SCYL3: variants seen among roughly 807,000 people sequenced by gnomAD.
SCYL3 encodes SCY1 like pseudokinase 3.
A neutral mutation model predicts 73.8 loss-of-function variants in SCYL3; 35 were observed. The ratio of observed to expected loss-of-function variants is 0.47; its 90% confidence interval spans 0.36 to 0.63. SCYL3 has a LOEUF of 0.63. SCYL3 is among the 20% of genes least tolerant of loss of function. SCYL3 has a pLI of 0.00. For synonymous variants in SCYL3, 277 were observed against 295.2 expected (o/e 0.94, Z 0.63); for missense variants, 712 against 798.9 (o/e 0.89, Z 1.31).
intron 9 of SCYL3, among the ~76,000 whole-genome samples, chr1:169,863,143 C>T (rs931949899): frequency 6.6e-6 from 1 of 152,128 alleles, no homozygotes; most frequent in Non-Finnish European, 1.5e-5. Flanking sequence ...AAACTTCTGA[C>T]CTAGTGATCC....
intron 2 of SCYL3, among the ~76,000 whole-genome samples, chr1:169,882,327 G>T (rs912888636): frequency 6.6e-5 from 10 of 152,216 alleles, no homozygotes; most frequent in Non-Finnish European, 1.5e-4. Flanking sequence ...TTTTCTCGCC[G>T]GGCCTTAGCT....
chr1:169,857,450 T>C (rs373817830), intron 11 of SCYL3, among the ~76,000 whole-genome samples: 1 of 152,232 alleles, frequency 6.6e-6, no homozygotes, highest in Non-Finnish European at 1.5e-5. Context: ...CCACAGTTGG[T>C]TAAATCTGCA....
chr1:169,886,164 A>G (rs1483272527), intron 2 of SCYL3, among the ~76,000 whole-genome samples: 1 of 152,114 alleles, frequency 6.6e-6, no homozygotes, highest in Non-Finnish European at 1.5e-5. Flanking sequence ...TTCAAAAATG[A>G]GCTGGGTGTG....
intron 1 of SCYL3, among the ~76,000 whole-genome samples, chr1:169,893,235 C>G (rs1662208015): frequency 1.3e-5 from 2 of 152,180 alleles, no homozygotes; most frequent in Admixed American, 1.3e-4. Context: ...CATCTTTATT[C>G]TAAACAGAAA....
At chr1:169,856,684 T>A (rs1659199306) in intron 11 of SCYL3, among the ~76,000 whole-genome samples, 1 of 152,178 alleles carries the variant, frequency 6.6e-6, no homozygotes, top group African/African-American at 2.4e-5. Context: ...CCTTATCCGA[T>A]GTCTTCTTCT....
At chr1:169,863,037 C>T (rs542642775) in intron 9 of SCYL3, among the ~76,000 whole-genome samples, 124 of 152,106 alleles carry the variant, frequency 8.2e-4, no homozygotes, top group African/African-American at 2.9e-3. Context: ...CTCAGCCTCC[C>T]GAGTAGCTGG....
rs562501102 is a variant in SCYL3 at position 169,861,199 on chromosome 1, C to A, written c.1140+1414G>T. Among the ~76,000 whole-genome samples the A allele has an allele frequency of 4.6e-5, 7 of 152,326 alleles. No homozygotes were observed. The East Asian group carries it at 1.3e-3, about 29-fold the overall frequency. On this transcript the variant is annotated intron_variant, in intron 10 of 12. Transcript: ENST00000367771. ...CCCAGCGAATCACACCTCCAGTATC[C>A]ATGCCCTTGAGTAAACCCATCCCAC...
At chr1:169,886,266 G>A (rs1318646513) in intron 2 of SCYL3, among the ~76,000 whole-genome samples, 6 of 149,954 alleles carry the variant, frequency 4.0e-5, no homozygotes, top group African/African-American at 1.5e-4. Context: ...AGCCAAGATC[G>A]AACCACTGCA....
rs41308405 is a variant in SCYL3, at chr1:169,852,947, G to C, written c.*766C>G. 3.7e-3 allele frequency: 5,905 copies of C among 1,614,066 alleles called. 19 individuals carry two copies. The highest frequency in any genetic ancestry group is 4.6e-3 in the Non-Finnish European group (5,389 of 1,179,986). On this transcript the variant is annotated 3_prime_UTR_variant, in exon 13 of 13. Coordinates refer to ENST00000367771, the MANE Select transcript of SCYL3 (RefSeq NM_020423.7). ...ATGGAAATGGAGGCGCTCCAAGAAA[G>C]GATGGATAAGCTAAAACGTTACATA...
At chr1:169,885,441 C>T (rs1258221725) in intron 2 of SCYL3, among the ~76,000 whole-genome samples, 1 of 152,184 alleles carries the variant, frequency 6.6e-6, no homozygotes, top group Non-Finnish European at 1.5e-5. Context: ...CCCAAATCCA[C>T]CTGCAGGCTT....
chr1:169,868,576 A>T (rs1458767693), intron 7 of SCYL3, among the ~76,000 whole-genome samples: 1 of 152,226 alleles, frequency 6.6e-6, no homozygotes, highest in Non-Finnish European at 1.5e-5. Context: ...GCAGCAGAAA[A>T]GAAAGGCTAG....
rs542836824 is a variant in SCYL3 at position 169,854,711 on chromosome 1, G to A, written c.1566C>T (p.Ser522=). ...EESSWDDCEP[S]SLDTKVNPGG... is the part of the protein sequence containing the mutation. ...CTGGGTTTACTTTAGTATCTAAGCTGCTGGGCTCGCAGTCATCCCAAGATG... is the reference window on the plus strand; with the variant it reads ...CTGGGTTTACTTTAGTATCTAAGCTACTGGGCTCGCAGTCATCCCAAGATG... The change falls in exon 12 of 13, where the codon AGC becomes AGT. Residue 522 remains serine (S), a synonymous_variant. Coordinates refer to ENST00000367771, the MANE Select transcript of SCYL3 (RefSeq NM_020423.7). The A allele has an allele frequency of 6.2e-7, 1 of 1,614,012 alleles. No individual in the cohort carries two copies. The highest frequency in any genetic ancestry group is 8.5e-7 in the Non-Finnish European group (1 of 1,179,928).
rs142753379 is a variant in SCYL3 at position 169,881,032 on chromosome 1, G to C, written c.166-2213C>G. ...CCACCTCAGCCTCCCCAAGTGTCGG[G>C]ATTACAGGCGTGAGCCACCGTGCCC... is the stretch of plus-strand genomic sequence containing the variant. On this transcript the variant is annotated intron_variant, in intron 2 of 12. Coordinates refer to ENST00000367771, the MANE Select transcript of SCYL3 (RefSeq NM_020423.7). Among the ~76,000 whole-genome samples, 217 of 152,294 alleles carry C rather than the reference G, an allele frequency of 1.4e-3. 1 individual carries two copies. Among genetic ancestry groups the C allele is most frequent in the Non-Finnish European group, 2.5e-3 (168 of 68,026 alleles).
chr1:169,866,569 C>T (rs1168442401), intron 8 of SCYL3, among the ~76,000 whole-genome samples: 1 of 152,308 alleles, frequency 6.6e-6, no homozygotes, highest in Admixed American at 6.5e-5. Context: ...CACACTAGGT[C>T]TTGTCTTTGT....
At position 169,852,921 on chromosome 1, in the gene SCYL3, A is replaced by G; in HGVS notation, c.*792T>C. 1 of 1,614,182 alleles carries G rather than the reference A, an allele frequency of 6.2e-7. No homozygotes were observed. The highest frequency in any genetic ancestry group is 8.5e-7 in the Non-Finnish European group (1 of 1,179,998). ...AGGGTCCTGCTCCAGCCTGGCTTTC[A>G]ATGGAAATGGAGGCGCTCCAAGAAA... is the stretch of plus-strand genomic sequence containing the variant. On this transcript the variant is annotated 3_prime_UTR_variant, in exon 13 of 13. Coordinates refer to ENST00000367771, the MANE Select transcript of SCYL3 (RefSeq NM_020423.7).
intron 11 of SCYL3, among the ~76,000 whole-genome samples, chr1:169,856,741 T>C (rs1036374581): frequency 6.6e-6 from 1 of 152,206 alleles, no homozygotes; most frequent in Non-Finnish European, 1.5e-5. Flanking sequence ...TAATTTCCTA[T>C]TTCCCTTTCA....
chr1:169,875,755 C>T (rs183827966), intron 4 of SCYL3, among the ~76,000 whole-genome samples: 157 of 152,302 alleles, frequency 1.0e-3, no homozygotes, highest in South Asian at 6.2e-3. Context: ...TACCTCTCTC[C>T]GTCTCAGGTT....
intron 4 of SCYL3, among the ~76,000 whole-genome samples, chr1:169,874,892 A>G (rs539633620): frequency 6.6e-6 from 1 of 152,252 alleles, no homozygotes; most frequent in African/African-American, 2.4e-5. Flanking sequence ...GCACCACTGC[A>G]CTCCAGCCTG....
At chr1:169,873,648 T>C (rs748519018) in intron 5 of SCYL3, 48 bp downstream of exon 5, 3 of 1,303,538 alleles carry the variant, frequency 2.3e-6, no homozygotes, top group Admixed American at 4.2e-5. Context: ...AATTTCATAC[T>C]CAATTACACA....
Sources: allele counts gnomAD v4.1 joint callset (sites outside exome capture counted in the v4.1 genomes callset), GRCh38; gene constraint gnomAD v4.1.1; transcripts MANE v1.5; gene names NCBI Gene and HGNC (gene_info 2026-07-23, HGNC 2026-07-21).